The following CHIC2 variants were observed in gnomAD, a reference collection of about 807,000 sequenced individuals.
CHIC2 encodes the protein cysteine rich hydrophobic domain 2.
CHIC2 carries 14 observed loss-of-function variants against 25.9 expected under a neutral mutation model. The ratio of observed to expected loss-of-function variants is 0.54; its 90% CI spans 0.36 to 0.85. CHIC2 has a LOEUF of 0.85. CHIC2 is among the 40% of genes least tolerant of loss of function. CHIC2 has a pLI of 0.01. For synonymous variants in CHIC2, 70 were observed against 72.0 expected, an observed-to-expected ratio of 0.97 and a Z score of 0.14; for missense variants, 146 against 202.0, an observed-to-expected ratio of 0.72 and a Z score of 1.68.
chr4:54,030,506 G>C (rs1716191813), intron 3 of CHIC2, among the ~76,000 whole-genome samples: 1 of 142,178 alleles, frequency 7.0e-6, no homozygotes, highest in Non-Finnish European at 1.5e-5. Flanking sequence ...CTGGGCAAGA[G>C]AGTCCCTATC....
intron 3 of CHIC2, among the ~76,000 whole-genome samples, chr4:54,031,178 GA>G (rs34455625): frequency 1.2e-4 from 18 of 145,050 alleles, no homozygotes; most frequent in East Asian, 6.1e-4. Context: ...AAAAGGAAAG[GA>G]AAAAAAAAAA....
At chr4:54,041,264 G>C (rs901222787) in intron 3 of CHIC2, among the ~76,000 whole-genome samples, 7 of 151,750 alleles carry the variant, frequency 4.6e-5, no homozygotes, top group African/African-American at 1.7e-4. Flanking sequence ...GTCCTGATTT[G>C]TCTTAGAGTC....
chr4:54,076,265 A>G, the CHIC2 span, among the ~76,000 whole-genome samples: 1 of 152,018 alleles, frequency 6.6e-6, no homozygotes, highest in Admixed American at 6.6e-5. Flanking sequence ...CAGCCTGGGC[A>G]ATAGAGTGAA....
chr4:54,056,204 A>G (rs1011208282), intron 1 of CHIC2, among the ~76,000 whole-genome samples: 7 of 152,210 alleles, frequency 4.6e-5, no homozygotes, highest in South Asian at 4.1e-4. Flanking sequence ...TGAAAGCTAT[A>G]TAAGTGTATA....
chr4:54,045,274 A>C (rs1200095440), intron 3 of CHIC2, among the ~76,000 whole-genome samples: 1 of 152,228 alleles, frequency 6.6e-6, no homozygotes, highest in Non-Finnish European at 1.5e-5. Flanking sequence ...ATAGAAAAAC[A>C]AGGAATCCTC....
At chr4:54,054,191 T>G (rs2110089301) in intron 1 of CHIC2, among the ~76,000 whole-genome samples, 1 of 152,338 alleles carries the variant, frequency 6.6e-6, no homozygotes, top group Non-Finnish European at 1.5e-5. Context: ...ACAAGGAAAT[T>G]TAGGTTCACT....
At chr4:54,071,625 T>C in the CHIC2 span, among the ~76,000 whole-genome samples, 1 of 152,230 alleles carries the variant, frequency 6.6e-6, no homozygotes, top group Non-Finnish European at 1.5e-5. Context: ...TTGGGTTCCT[T>C]ACATCAGTCT....
At chr4:54,050,597 T>A (rs929503764) in intron 1 of CHIC2, among the ~76,000 whole-genome samples, 1 of 152,098 alleles carries the variant, frequency 6.6e-6, no homozygotes, top group Non-Finnish European at 1.5e-5. Flanking sequence ...TAGAAGGTGG[T>A]CCCACAAGAT....
intron 3 of CHIC2, among the ~76,000 whole-genome samples, chr4:54,019,622 G>A (rs1170005791): frequency 6.6e-6 from 1 of 152,062 alleles, no homozygotes; most frequent in Non-Finnish European, 1.5e-5. Flanking sequence ...AAAGAAACAT[G>A]TACACAAACA....
chr4:54,038,895 G>C (rs1716482189), intron 3 of CHIC2, among the ~76,000 whole-genome samples: 1 of 151,908 alleles, frequency 6.6e-6, no homozygotes, highest in Non-Finnish European at 1.5e-5. Flanking sequence ...CAGTAAACTA[G>C]ACATTATGAT....
chr4:54,074,597 A>ACACACAC, the CHIC2 span, among the ~76,000 whole-genome samples: 14 of 139,716 alleles, frequency 1.0e-4, no homozygotes, highest in African/African-American at 3.4e-4. Context: ...ACAACACACA[A>ACACACAC]ACACACACAC....
At chr4:54,042,193 TTTA>T (rs1716599134) in intron 3 of CHIC2, among the ~76,000 whole-genome samples, 2 of 152,168 alleles carry the variant, frequency 1.3e-5, no homozygotes, top group African/African-American at 4.8e-5. Context: ...GTCATGTTTG[TTTA>T]TGCTCCCTAG....
rs182827467 is a variant in CHIC2, at chr4:54,054,692, C to T, written c.120-5387G>A. ...GGCATCTGCTTTAAGAACAGCTAAT[C>T]CCTGGGCTGGGTAGCAGCACATGGA... is the stretch of plus-strand genomic sequence containing the variant. On this transcript the variant is annotated intron_variant, in intron 1 of 5. Transcript: ENST00000263921. Among the ~76,000 whole-genome samples, 3 of 152,288 alleles carry T rather than the reference C, an allele frequency of 2.0e-5. No individual in the cohort carries two copies. In the East Asian group the frequency reaches 5.8e-4, roughly 29 times the overall value.
intron 3 of CHIC2, among the ~76,000 whole-genome samples, chr4:54,037,497 T>C (rs13140725): frequency 0.27 from 40,878 of 152,144 alleles, 6,388 homozygotes; most frequent in Middle Eastern, 0.4. Flanking sequence ...TTTCTGGAAA[T>C]GATGAGTATG....
chr4:54,046,251 AT>A (rs1357678624), intron 3 of CHIC2, among the ~76,000 whole-genome samples: 2 of 152,254 alleles, frequency 1.3e-5, no homozygotes, highest in Non-Finnish European at 2.9e-5. Flanking sequence ...ATTCAATGCC[AT>A]CCCCATCAAG....
rs1343306429 is a variant in CHIC2, at chr4:54,064,074, T to G, written c.119+108A>C. The G allele has an allele frequency of 3.2e-6, 3 of 938,230 alleles. No homozygotes were observed. The African/African-American group carries it at 5.0e-5, about 16-fold the overall frequency. 58.1% of individuals were successfully genotyped at this position (938,230 alleles called of 1,614,324 possible). A position where few individuals can be genotyped will look rare whatever the true frequency, so the allele number is the denominator to read the frequency against. On this transcript the variant is annotated intron_variant, in intron 1 of 5. Transcript: ENST00000263921. This position sits in a 1 kb window ranked among gnomAD's most constrained non-coding sequence, Gnocchi z 4.2. The stretch of plus-strand genomic sequence containing the variant: ...TCTCACTTCCTGGTTGCCTACTCTT[T>G]CGGAAGGCCCCCGACACCAGACGGA...
chr4:54,087,638 C>T, the CHIC2 span: 1 of 577,764 alleles, frequency 1.7e-6, no homozygotes, highest in Middle Eastern at 2.8e-4. Flanking sequence ...GAAATGTTGG[C>T]CTATATATCC....
chr4:54,033,201 G>T (rs1249909383), intron 3 of CHIC2, among the ~76,000 whole-genome samples: 1 of 152,182 alleles, frequency 6.6e-6, no homozygotes, highest in Non-Finnish European at 1.5e-5. Flanking sequence ...TTATAGCAAT[G>T]CAAGAACAGA....
At chr4:54,060,039 T>C (rs143303520) in intron 1 of CHIC2, 1 of 152,360 alleles carries the variant, frequency 6.6e-6, no homozygotes, top group East Asian at 1.9e-4. Context: ...GACATGATTC[T>C]GTAATTTGGC....
Sources: gnomAD v4.1 joint callset for allele counts (sites outside exome capture counted in the v4.1 genomes callset) on GRCh38, gnomAD v4.1.1 for gene constraint, Gnocchi (gnomAD v3.1) non-coding constraint, MANE v1.5 for transcripts, NCBI Gene and HGNC (gene_info 2026-07-23, HGNC 2026-07-21) for gene names.